Variants in IDO2 observed in about 807,000 individuals in gnomAD.
IDO2 encodes indoleamine 2,3-dioxygenase-like 1 protein.
IDO2 carries 46 observed loss-of-function variants against 45.1 expected under a neutral mutation model. That is an observed-to-expected ratio of 1.02 (90% CI 0.80 to 1.30). The LOEUF is 1.30. Among genes scored for constraint, IDO2 ranks in the 50% most tolerant of loss-of-function variants. The pLI is 0.00. For synonymous variants in IDO2, 218 were observed against 184.9 expected (o/e 1.18, Z -1.45); for missense variants, 544 against 491.8 (o/e 1.11, Z -1.00).
At chr8:39,985,071 G>A in intron 5 of IDO2, 1 of 308,290 alleles carries the variant, frequency 3.2e-6, no homozygotes, top group Non-Finnish European at 6.2e-6. Flanking sequence ...AGCTGGGATT[G>A]CAGGCACCTA....
intron 3 of IDO2, among the ~76,000 whole-genome samples, chr8:39,972,609 CAAAAAAAAAAAAA>C (rs35394460): frequency 2.9e-5 from 1 of 34,550 alleles, no homozygotes; most frequent in Non-Finnish European, 4.8e-5. Flanking sequence ...GACTCCATCT[CAAAAAAAAAAAAA>C]AAAAAAAAAA....
intron 5 of IDO2, 29 bp downstream of exon 5, chr8:39,982,799 T>A: frequency 7.4e-7 from 1 of 1,352,346 alleles, no homozygotes; most frequent in East Asian, 2.5e-5. Flanking sequence ...GCTTTGAATT[T>A]CCATAACTTT....
At chr8:40,005,897 G>T (rs1802213534) in intron 9 of IDO2, among the ~76,000 whole-genome samples, 1 of 152,222 alleles carries the variant, frequency 6.6e-6, no homozygotes, top group Non-Finnish European at 1.5e-5. Flanking sequence ...TGTCTCCTCT[G>T]AGAGGAGAAG....
At chr8:39,963,213 T>C (rs1348701671) in intron 2 of IDO2, among the ~76,000 whole-genome samples, 3 of 152,246 alleles carry the variant, frequency 2.0e-5, no homozygotes, top group South Asian at 2.1e-4. Flanking sequence ...TTCACATTTA[T>C]ACCCAGAAAA....
At chr8:39,952,276 T>C (rs1186199820) in intron 2 of IDO2, among the ~76,000 whole-genome samples, 2 of 152,134 alleles carry the variant, frequency 1.3e-5, no homozygotes, top group Non-Finnish European at 2.9e-5. Flanking sequence ...GATCTTACTT[T>C]CGTTTAGTTG....
At chr8:40,002,814 T>C (rs939760254) in intron 8 of IDO2, among the ~76,000 whole-genome samples, 6 of 152,048 alleles carry the variant, frequency 3.9e-5, no homozygotes, top group Admixed American at 2.0e-4. Flanking sequence ...AAAATATCTA[T>C]GTTGGAAATT....
At chr8:39,979,829 TTTTG>T (rs1473666909) in intron 4 of IDO2, among the ~76,000 whole-genome samples, 16 of 151,746 alleles carry the variant, frequency 1.1e-4, no homozygotes, top group African/African-American at 3.6e-4. Context: ...CAGATTGCCT[TTTTG>T]CTTTAAAACA....
At chr8:39,937,092 A>G (rs1049581077) in intron 1 of IDO2, among the ~76,000 whole-genome samples, 1 of 152,254 alleles carries the variant, frequency 6.6e-6, no homozygotes, top group African/African-American at 2.4e-5. Context: ...CTTTGGGACA[A>G]ACTCCTTTTC....
At chr8:39,936,681 G>A (rs551941539) in intron 1 of IDO2, among the ~76,000 whole-genome samples, 4 of 152,120 alleles carry the variant, frequency 2.6e-5, no homozygotes, top group Non-Finnish European at 5.9e-5. Context: ...TAACCTTAGA[G>A]GCATTCCTAG....
At chr8:39,958,106 C>T (rs1226053282) in intron 2 of IDO2, among the ~76,000 whole-genome samples, 1 of 151,972 alleles carries the variant, frequency 6.6e-6, no homozygotes, top group African/African-American at 2.4e-5. Flanking sequence ...GTGGTTTCAC[C>T]GTGTTAGCCA....
chr8:39,985,483 T>C (rs767531668), intron 5 of IDO2, 25 bp from the exon 6 acceptor site: 1 of 1,552,902 alleles, frequency 6.4e-7, no homozygotes. Flanking sequence ...CTCTTGGTGG[T>C]CATCAATAAC....
chr8:39,998,977 T>C (rs1317533771), intron 8 of IDO2, among the ~76,000 whole-genome samples: 1 of 152,002 alleles, frequency 6.6e-6, no homozygotes. Context: ...CCCTCACTTC[T>C]TTAGAAATTC....
At chr8:39,986,416 AG>A (rs1808423529) in intron 6 of IDO2, 1 of 152,208 alleles carries the variant, frequency 6.6e-6, no homozygotes, top group South Asian at 2.1e-4. Context: ...GGGGCACAGA[AG>A]GTGAAGACAT....
At chr8:39,985,009 G>C in intron 5 of IDO2, 1 of 370,680 alleles carries the variant, frequency 2.7e-6, no homozygotes, top group South Asian at 2.1e-5. Context: ...TCGGCTCACT[G>C]CAACCTCTGC....
intron 3 of IDO2, among the ~76,000 whole-genome samples, chr8:39,974,955 C>A (rs1335584842): frequency 6.8e-6 from 1 of 148,078 alleles, no homozygotes; most frequent in Non-Finnish European, 1.5e-5. Context: ...AACAAAAGCA[C>A]AAAATTAGCT....
At chr8:39,995,132 A>C (rs5029662) in intron 8 of IDO2, 14,900 of 145,854 alleles carry the variant, frequency 0.1, 1,120 homozygotes, top group East Asian at 0.34. Flanking sequence ...CTATAAAATT[A>C]TTCTTATTAT....
chr8:40,008,450 A>T (rs1221415837), intron 9 of IDO2, among the ~76,000 whole-genome samples: 3 of 152,200 alleles, frequency 2.0e-5, no homozygotes, highest in African/African-American at 7.2e-5. Context: ...ATGTGATTAG[A>T]TTCAGCTTAC....
At chr8:40,001,203 C>G (rs1453262421) in intron 8 of IDO2, among the ~76,000 whole-genome samples, 4 of 150,940 alleles carry the variant, frequency 2.7e-5, no homozygotes, top group Admixed American at 2.6e-4. Context: ...TACAGGTACT[C>G]ACCATTCGTG....
In IDO2 at chr8:39,938,216, G is replaced by C. The variant is rs1356207185; in HGVS notation, c.-18+2998G>C. Among the ~76,000 whole-genome samples, 6 of 152,120 alleles carry C rather than the reference G, an allele frequency of 3.9e-5. No individual in the cohort carries two copies. The East Asian group carries it at 5.8e-4, about 15-fold the overall frequency. Reference sequence around the variant, plus strand: ...CCAGCACTTTGGGAGGCTGAGGTGGGACAATCACTTAAGCCCAAGAGTTTG... The same window carrying C: ...CCAGCACTTTGGGAGGCTGAGGTGGCACAATCACTTAAGCCCAAGAGTTTG... On this transcript the variant is annotated intron_variant, in intron 1 of 10. Transcript: ENST00000502986.
Sources: gnomAD v4.1 joint callset for allele counts (sites outside exome capture counted in the v4.1 genomes callset) on GRCh38, gnomAD v4.1.1 for gene constraint, MANE v1.5 for transcripts, NCBI Gene and HGNC (gene_info 2026-07-23, HGNC 2026-07-21) for gene names.